PHF21A: variants seen among roughly 807,000 people sequenced by gnomAD.
The protein encoded by PHF21A is BHC80a.
In PHF21A, 11 loss-of-function variants were observed where a neutral mutation model predicts 82.5. That is an observed-to-expected ratio of 0.13 (90% CI 0.08 to 0.22). PHF21A has a LOEUF of 0.22. PHF21A is among the 10% of genes least tolerant of loss of function. The probability of loss-of-function intolerance (pLI) is 1.00; values close to 1 mark genes in which losing one functional copy is unlikely to be tolerated. For synonymous variants in PHF21A, 297 were observed against 302.8 expected (o/e 0.98, Z 0.20); for missense variants, 579 against 837.8 (o/e 0.69, Z 3.81).
At chr11:46,103,977 C>A (rs1022624428) in intron 1 of PHF21A, among the ~76,000 whole-genome samples, 1 of 152,096 alleles carries the variant, frequency 6.6e-6, no homozygotes, top group African/African-American at 2.4e-5. Context: ...GATCATTGTA[C>A]CTTTTCTCAT....
intron 9 of PHF21A, among the ~76,000 whole-genome samples, chr11:45,968,302 C>A (rs749282539): frequency 2.2e-4 from 34 of 152,284 alleles, no homozygotes; most frequent in Non-Finnish European, 4.1e-4. Context: ...TTAATGAATG[C>A]CTGCTGCTCC....
At chr11:45,997,110 T>C (rs914931271) in intron 6 of PHF21A, among the ~76,000 whole-genome samples, 35 of 152,208 alleles carry the variant, frequency 2.3e-4, no homozygotes, top group African/African-American at 8.4e-4. Flanking sequence ...CTGAAAGTGT[T>C]TGGCGGAGAA....
intron 15 of PHF21A, among the ~76,000 whole-genome samples, chr11:45,942,610 C>T (rs1197181005): frequency 6.6e-6 from 1 of 152,180 alleles, no homozygotes; most frequent in Non-Finnish European, 1.5e-5. Context: ...AATGCTGAAT[C>T]TTTAGAGAAT....
At chr11:46,056,657 G>A (rs1019762902) in intron 6 of PHF21A, among the ~76,000 whole-genome samples, 1 of 152,060 alleles carries the variant, frequency 6.6e-6, no homozygotes, top group African/African-American at 2.4e-5. Context: ...TCACCTGTAC[G>A]TTTACTTCAC....
Position 45,933,958 on chromosome 11 carries a change from A to G in PHF21A, c.*10T>C, listed in dbSNP as rs1245333714. 6.5e-7 allele frequency: 1 copy of G among 1,527,818 alleles called. No individual in the cohort carries two copies. Among genetic ancestry groups the G allele is most frequent in the Non-Finnish European group, 8.8e-7 (1 of 1,139,524 alleles). The allele number at this position is 1,527,818 out of a possible 1,614,324, so 94.6% of individuals were successfully genotyped here. Reference sequence around the variant, plus strand: ...GCCGGGATCCCGTGGCTTCTCCTAGAGGGGCTCTGTTATTTAGTCTCTTCC... The same window carrying G: ...GCCGGGATCCCGTGGCTTCTCCTAGGGGGGCTCTGTTATTTAGTCTCTTCC... On this transcript the variant is annotated 3_prime_UTR_variant, in exon 19 of 19. Transcript: ENST00000676320.
At chr11:46,014,191 T>G (rs116297205) in intron 6 of PHF21A, among the ~76,000 whole-genome samples, 157 of 152,276 alleles carry the variant, frequency 1.0e-3, no homozygotes, top group African/African-American at 3.7e-3. Flanking sequence ...GAGTCCCTAG[T>G]GTTTACTGTT....
chr11:46,096,954 C>T (rs1392672485), intron 1 of PHF21A, among the ~76,000 whole-genome samples: 2 of 152,138 alleles, frequency 1.3e-5, no homozygotes, highest in East Asian at 1.9e-4. Context: ...AACTCCACCC[C>T]CTCAGAAGAA....
chr11:45,989,465 TA>T (rs2094602444), intron 6 of PHF21A, among the ~76,000 whole-genome samples: 1 of 122,672 alleles, frequency 8.2e-6, no homozygotes, highest in Non-Finnish European at 1.6e-5. Flanking sequence ...CCAACCTGGC[TA>T]ACACGGTGAA....
intron 6 of PHF21A, among the ~76,000 whole-genome samples, chr11:46,012,526 G>GC (rs546423550): frequency 3.3e-4 from 51 of 152,246 alleles, no homozygotes; most frequent in Admixed American, 3.1e-3. Flanking sequence ...TTGGTCTTAC[G>GC]CAAGTTAACT....
At chr11:46,068,123 A>C (rs2096615723) in intron 6 of PHF21A, among the ~76,000 whole-genome samples, 1 of 152,146 alleles carries the variant, frequency 6.6e-6, no homozygotes. Context: ...TATGAGAATG[A>C]GTTGCTAAAG....
At chr11:45,986,039 C>T (rs890109336) in intron 6 of PHF21A, among the ~76,000 whole-genome samples, 2 of 138,004 alleles carry the variant, frequency 1.4e-5, no homozygotes, top group South Asian at 4.6e-4. Flanking sequence ...CTTCGGCTTA[C>T]TTTTTTAATT....
At chr11:46,044,234 T>C (rs1279368169) in intron 6 of PHF21A, among the ~76,000 whole-genome samples, 3 of 152,096 alleles carry the variant, frequency 2.0e-5, no homozygotes, top group African/African-American at 4.8e-5. Flanking sequence ...TGTCCTATAG[T>C]ACAGCTAGAG....
intron 16 of PHF21A, 44 bp from the exon 17 acceptor site, chr11:45,936,613 C>T (rs774940041): frequency 2.4e-6 from 3 of 1,245,032 alleles, no homozygotes; most frequent in South Asian, 1.2e-5. Flanking sequence ...GAGGTTTAAA[C>T]ACACATCCTC....
intron 18 of PHF21A, chr11:45,935,060 C>T (rs749975522): frequency 7.6e-5 from 94 of 1,232,064 alleles, no homozygotes; most frequent in Non-Finnish European, 9.3e-5. Flanking sequence ...AAGCCTCTGT[C>T]CCCCTGCTGC....
At position 46,047,286 on chromosome 11, in the gene PHF21A, A is replaced by G. The variant is rs546119915; in HGVS notation, c.153+29468T>C. 1.7e-3 allele frequency among the ~76,000 whole-genome samples: 256 copies of G among 152,348 alleles called. 1 individual carries two copies. Among genetic ancestry groups the G allele is most frequent in the South Asian group, 7.2e-3 (35 of 4,828 alleles). On this transcript the variant is annotated intron_variant, in intron 6 of 18. Transcript: ENST00000676320. ...TTTGAACTCCTTAGTGAAAAGTGAC[A>G]TAAGTGGTTACTATTATACACTGCT... is the stretch of plus-strand genomic sequence containing the variant.
intron 11 of PHF21A, among the ~76,000 whole-genome samples, chr11:45,952,572 C>G (rs1340008742): frequency 6.6e-6 from 1 of 152,126 alleles, no homozygotes; most frequent in East Asian, 1.9e-4. Flanking sequence ...ATTTTTGTGA[C>G]TAGTACTTCT....
At chr11:46,004,927 T>A (rs1390533987) in intron 6 of PHF21A, among the ~76,000 whole-genome samples, 1 of 152,180 alleles carries the variant, frequency 6.6e-6, no homozygotes, top group East Asian at 1.9e-4. Flanking sequence ...GGGAAACAGA[T>A]AAGCACTACA....
intron 10 of PHF21A, among the ~76,000 whole-genome samples, chr11:45,963,889 T>G (rs2093270926): frequency 6.6e-6 from 1 of 152,234 alleles, no homozygotes; most frequent in East Asian, 1.9e-4. Context: ...TTTTCTGTGT[T>G]AAAATATGTG....
At chr11:46,050,437 G>A (rs1337349689) in intron 6 of PHF21A, among the ~76,000 whole-genome samples, 2 of 152,208 alleles carry the variant, frequency 1.3e-5, no homozygotes, top group African/African-American at 4.8e-5. Context: ...TGGCTTTTGA[G>A]AGGCCCATGC....
Sources: allele counts gnomAD v4.1 joint callset (sites outside exome capture counted in the v4.1 genomes callset), GRCh38; gene constraint gnomAD v4.1.1; transcripts MANE v1.5; gene names NCBI Gene and HGNC (gene_info 2026-07-23, HGNC 2026-07-21).